Variants in DMD observed in about 807,000 individuals in gnomAD.
DMD encodes the protein dystrophin.
A neutral mutation model predicts 330.1 loss-of-function variants in DMD; 63 were observed. The observed-to-expected ratio is 0.19, with a 90% CI of 0.16 to 0.24. The LOEUF is 0.24. Ranked by LOEUF, DMD falls within the 10% of genes least tolerant of loss-of-function variation. The pLI is 1.00. For missense variants in DMD, 3,344 were observed against 2,684.1 expected, an observed-to-expected ratio of 1.25 and a Z score of -5.43; for synonymous variants, 1,223 against 959.8, an observed-to-expected ratio of 1.27 and a Z score of -5.07.
At chrX:31,836,345 AC>A (rs2093197947) in intron 49 of DMD, among the ~76,000 whole-genome samples, 1 of 112,360 alleles carries the variant, frequency 8.9e-6, no homozygotes, top group Admixed American at 9.5e-5. Context: ...TTGGAGACAG[AC>A]ACTATGATGC....
chrX:32,337,602 A>G (rs758828584), intron 41 of DMD, among the ~76,000 whole-genome samples: 1 of 110,460 alleles, frequency 9.1e-6, no homozygotes, highest in East Asian at 2.8e-4. Context: ...TAGAAACATT[A>G]TAATTGGTAA....
chrX:33,192,439 A>G (rs1312143953), intron 1 of DMD, among the ~76,000 whole-genome samples: 1 of 112,292 alleles, frequency 8.9e-6, no homozygotes, highest in East Asian at 2.8e-4. Flanking sequence ...CGAGAAATAC[A>G]CACCTAACTT....
intron 75 of DMD, 45 bp from the exon 76 acceptor site, chrX:31,146,459 T>C (rs373474203): frequency 8.6e-7 from 1 of 1,167,333 alleles, no homozygotes; most frequent in Non-Finnish European, 1.2e-6. Flanking sequence ...ATAATAAACA[T>C]ACAAATGTAT....
At chrX:32,549,854 T>A (rs1246421401) in intron 16 of DMD, among the ~76,000 whole-genome samples, 3 of 111,676 alleles carry the variant, frequency 2.7e-5, no homozygotes, top group Non-Finnish European at 5.7e-5. Flanking sequence ...AATGCACATT[T>A]AAAAAAAGAA....
intron 27 of DMD, among the ~76,000 whole-genome samples, chrX:32,442,450 A>G (rs765596164): frequency 2.7e-5 from 3 of 111,564 alleles, no homozygotes; most frequent in African/African-American, 9.7e-5. Context: ...GGCCAGGATT[A>G]CAATGAGATA....
At chrX:32,755,311 A>G (rs2071361565) in intron 7 of DMD, among the ~76,000 whole-genome samples, 1 of 87,555 alleles carries the variant, frequency 1.1e-5, no homozygotes, top group Non-Finnish European at 2.1e-5. Context: ...TTGTCTTCAG[A>G]CAAGGAAAAA....
Position 32,241,996 on chromosome X carries a change from C to T in DMD, c.6291-24933G>A, listed in dbSNP as rs1157377046. Among the ~76,000 whole-genome samples the T allele has an allele frequency of 2.7e-5, 3 of 111,334 alleles. No individual in the cohort carries two copies. In the East Asian group the frequency reaches 8.5e-4, roughly 31 times the overall value. ...AGCCGGTTCTATACAGTTTACAAGA[C>T]CAGGTAGATCATCATGCTCCCCAGA... On this transcript the variant is annotated intron_variant, in intron 43 of 78. Coordinates refer to ENST00000357033, the MANE Select transcript of DMD (RefSeq NM_004006.3).
intron 59 of DMD, among the ~76,000 whole-genome samples, chrX:31,449,767 T>G (rs867025470): frequency 0.025 from 1,423 of 57,449 alleles, 43 homozygotes; most frequent in African/African-American, 0.093. Context: ...TGGTGTGATA[T>G]ATATATATAT....
chrX:32,911,548 A>C (rs977256604), intron 2 of DMD, among the ~76,000 whole-genome samples: 12 of 112,246 alleles, frequency 1.1e-4, no homozygotes, highest in Admixed American at 2.8e-4. Context: ...TTATTAAATA[A>C]AAATAATGTA....
intron 27 of DMD, among the ~76,000 whole-genome samples, chrX:32,442,161 G>A (rs1360683304): frequency 2.7e-5 from 3 of 110,267 alleles, no homozygotes; most frequent in South Asian, 3.8e-4. Flanking sequence ...AAAACTGACC[G>A]TAAGAAAAAA....
At chrX:32,879,008 A>G (rs1043695413) in intron 2 of DMD, among the ~76,000 whole-genome samples, 1 of 100,489 alleles carries the variant, frequency 1.0e-5, no homozygotes, top group African/African-American at 3.6e-5. Context: ...ACTACGTCTC[A>G]AAAAAAAAAC....
intron 63 of DMD, among the ~76,000 whole-genome samples, chrX:31,231,958 T>C (rs1045462987): frequency 1.8e-5 from 2 of 110,467 alleles, no homozygotes; most frequent in South Asian, 3.9e-4. Context: ...GTGATGAGAC[T>C]GTATACATAG....
Position 31,721,684 on chromosome X carries a change from CACTCTCTCTCTCTCTCTCTCTCTCTCT to C in DMD, c.7660+7920_7660+7946del, listed in dbSNP as rs1569292498. On this transcript the variant is annotated intron_variant, in intron 52 of 78. Transcript: ENST00000357033. ...TTATTACCAATCTCTCTCTCTCTCTCACTCTCTCTCTCTCTCTCTCTCTCTCTCTCTCTCTATATATATATATATATA... is the reference window on the plus strand; with the variant it reads ...TTATTACCAATCTCTCTCTCTCTCTCCTCTCTCTATATATATATATATATA... Among the ~76,000 whole-genome samples, 615 of 68,500 alleles carry C rather than the reference CACTCTCTCTCTCTCTCTCTCTCTCTCT, an allele frequency of 9.0e-3. 6 individuals are homozygous for C. Among genetic ancestry groups the C allele is most frequent in the African/African-American group, 0.027 (538 of 20,150 alleles). The allele number at this position is 68,500 out of a possible 115,157, so 59.5% of individuals were successfully genotyped here. A position where few individuals can be genotyped will look rare whatever the true frequency, so the allele number is the denominator to read the frequency against.
chrX:31,293,324 T>C (rs1272177448), intron 62 of DMD, among the ~76,000 whole-genome samples: 1 of 108,719 alleles, frequency 9.2e-6, no homozygotes, highest in Non-Finnish European at 1.9e-5. Context: ...TTTGTGATAA[T>C]TGCATTGAGC....
intron 74 of DMD, among the ~76,000 whole-genome samples, chrX:31,163,641 C>T (rs1025362059): frequency 2.7e-5 from 3 of 111,400 alleles, no homozygotes; most frequent in Non-Finnish European, 3.8e-5. Flanking sequence ...TTCCTCCCTT[C>T]CTTACCCTAA....
chrX:33,305,584 A>G (rs1162323168), intron 1 of DMD, among the ~76,000 whole-genome samples: 1 of 103,001 alleles, frequency 9.7e-6, no homozygotes, highest in Non-Finnish European at 2.0e-5. Flanking sequence ...AAAATTTAAA[A>G]AAAATGCCAA....
At chrX:32,744,193 A>ATT (rs766359838) in intron 7 of DMD, among the ~76,000 whole-genome samples, 2 of 102,411 alleles carry the variant, frequency 2.0e-5, no homozygotes, top group African/African-American at 3.5e-5. Flanking sequence ...CATTCTTACA[A>ATT]TTTTTTTTTT....
intron 52 of DMD, among the ~76,000 whole-genome samples, chrX:31,717,754 G>C (rs1389014952): frequency 1.8e-5 from 2 of 112,418 alleles, no homozygotes; most frequent in Non-Finnish European, 3.8e-5. Flanking sequence ...ACAGAGAAAG[G>C]TGTTTTCCCC....
intron 47 of DMD, among the ~76,000 whole-genome samples, chrX:31,922,607 G>A (rs902336770): frequency 8.2e-5 from 9 of 110,346 alleles, no homozygotes; most frequent in African/African-American, 3.0e-4. Flanking sequence ...CACTATCTCT[G>A]GGTGGATAGT....
Sources: gnomAD v4.1 joint callset for allele counts (sites outside exome capture counted in the v4.1 genomes callset) on GRCh38, gnomAD v4.1.1 for gene constraint, MANE v1.5 for transcripts, NCBI Gene and HGNC (gene_info 2026-07-23, HGNC 2026-07-21) for gene names.